Variants in FSTL5 observed in about 807,000 individuals in gnomAD.
The protein encoded by FSTL5 is follistatin like 5.
Under a neutral mutation model 89.1 loss-of-function variants are expected in FSTL5, and 62 were observed. The ratio of observed to expected loss-of-function variants is 0.70; its 90% CI spans 0.57 to 0.86. FSTL5 has a LOEUF of 0.86. Among genes scored for constraint, FSTL5 ranks in the 40% least tolerant of loss-of-function variants. The probability of loss-of-function intolerance (pLI) is 0.00; values close to 1 mark genes in which losing one functional copy is unlikely to be tolerated. For synonymous variants in FSTL5, 383 were observed against 346.2 expected (o/e 1.11, Z -1.18); for missense variants, 1,057 against 1,001.6 (o/e 1.06, Z -0.75).
chr4:161,415,547 G>T (rs1300147956), intron 15 of FSTL5, among the ~76,000 whole-genome samples: 1 of 151,886 alleles, frequency 6.6e-6, no homozygotes, highest in Admixed American at 6.6e-5. Flanking sequence ...GAGTCACCAC[G>T]CTCGGCCGTC....
In FSTL5 at chr4:161,572,961, G is replaced by A. The variant is rs141749375; in HGVS notation, c.1015+14494C>T. Among the ~76,000 whole-genome samples, 5 of 152,306 alleles carry A rather than the reference G, an allele frequency of 3.3e-5. No homozygotes were observed. The East Asian group carries it at 9.6e-4, about 29-fold the overall frequency. ...GTGATACGGTGGCTTGATGGTGTGG[G>A]TATGGGGTAAGCTATTATAAAAAAG... On this transcript the variant is annotated intron_variant, in intron 8 of 15. Transcript: ENST00000306100.
intron 3 of FSTL5, among the ~76,000 whole-genome samples, chr4:161,929,399 C>T (rs1457653759): frequency 6.6e-6 from 1 of 151,628 alleles, no homozygotes; most frequent in East Asian, 1.9e-4. Flanking sequence ...AGTCAGATAG[C>T]TCAATATGCC....
rs1730643441 is a variant in FSTL5 at position 161,386,354 on chromosome 4, T to A, written c.1937A>T (p.Lys646Met). 6.2e-7 allele frequency: 1 copy of A among 1,613,794 alleles called. No individual in the cohort carries two copies. The highest frequency in any genetic ancestry group is 1.1e-5 in the South Asian group (1 of 91,078). Residue 646 changes from lysine to methionine, a missense_variant, in exon 16 of 16, where the codon AAG (lysine) becomes ATG (methionine). By Grantham distance (95) the Lys-to-Met change is moderately conservative. Around this residue, in one of 3 missense-constraint regions of FSTL5, gnomAD observed 980 missense variants for 903.2 expected, o/e 1.08. Coordinates refer to ENST00000306100, the MANE Select transcript of FSTL5 (RefSeq NM_020116.5). ...YIKTINLKDY[K>M]CVPQSLAYTH... ...ATATGCCAATGACTGAGGAACGCAC[T>A]TATAGTCCTTCAAGTTAATTGTCTT...
intron 7 of FSTL5, among the ~76,000 whole-genome samples, chr4:161,603,862 G>A (rs1734341482): frequency 2.0e-5 from 3 of 152,098 alleles, no homozygotes; most frequent in Admixed American, 2.0e-4. Flanking sequence ...AAATCAGGAT[G>A]TGGGGCAACA....
At chr4:161,410,790 A>G (rs540992446) in intron 15 of FSTL5, among the ~76,000 whole-genome samples, 1 of 152,020 alleles carries the variant, frequency 6.6e-6, no homozygotes, top group African/African-American at 2.4e-5. Context: ...TCTCAAATTA[A>G]AAATCTAATT....
intron 4 of FSTL5, among the ~76,000 whole-genome samples, chr4:161,800,965 T>G (rs765435696): frequency 3.3e-5 from 5 of 151,580 alleles, no homozygotes; most frequent in Non-Finnish European, 7.4e-5. Context: ...TAATATCTGT[T>G]TCTTTCAACG....
chr4:161,785,015 T>C (rs532599987), intron 4 of FSTL5, among the ~76,000 whole-genome samples: 2 of 152,166 alleles, frequency 1.3e-5, no homozygotes, highest in Non-Finnish European at 1.5e-5. Flanking sequence ...GGCACTGTTG[T>C]GTTTTACAGA....
At chr4:161,574,353 T>A (rs1232091373) in intron 8 of FSTL5, among the ~76,000 whole-genome samples, 5 of 151,830 alleles carry the variant, frequency 3.3e-5, no homozygotes, top group Non-Finnish European at 5.9e-5. Flanking sequence ...TCTTTTTTTT[T>A]TTTAAATTTT....
At chr4:162,111,175 G>T in intron 2 of FSTL5, 96 bp downstream of exon 2, 1 of 984,870 alleles carries the variant, frequency 1.0e-6, no homozygotes, top group Non-Finnish European at 1.4e-6. Flanking sequence ...AGCATATTCT[G>T]AAATAAGTGC....
chr4:161,488,593 C>T (rs1729759860), intron 12 of FSTL5, among the ~76,000 whole-genome samples: 1 of 151,898 alleles, frequency 6.6e-6, no homozygotes. Context: ...TGCAAGTAGA[C>T]CTGTTGAGGC....
chr4:161,561,800 T>C (rs1438656317), intron 8 of FSTL5, among the ~76,000 whole-genome samples: 3 of 152,014 alleles, frequency 2.0e-5, no homozygotes, highest in Admixed American at 6.6e-5. Flanking sequence ...GGGTGGGTCA[T>C]ATTTAATTTT....
intron 1 of FSTL5, among the ~76,000 whole-genome samples, chr4:162,116,686 G>A (rs1731655140): frequency 6.6e-6 from 1 of 152,132 alleles, no homozygotes; most frequent in African/African-American, 2.4e-5. Context: ...TATCCTGTAG[G>A]ACCGCTTACC....
chr4:161,474,749 G>T (rs141825692), intron 13 of FSTL5, among the ~76,000 whole-genome samples: 1 of 152,034 alleles, frequency 6.6e-6, no homozygotes, highest in African/African-American at 2.4e-5. Flanking sequence ...GTTCCACCAT[G>T]TTGGCCAGGA....
chr4:162,151,685 A>G (rs1424801222), intron 1 of FSTL5, among the ~76,000 whole-genome samples: 1 of 152,224 alleles, frequency 6.6e-6, no homozygotes, highest in Non-Finnish European at 1.5e-5. Flanking sequence ...CAGGGTTTCC[A>G]TAGTGTCCTA....
intron 4 of FSTL5, among the ~76,000 whole-genome samples, chr4:161,861,529 T>C (rs981451): frequency 6.6e-6 from 1 of 152,156 alleles, no homozygotes; most frequent in Non-Finnish European, 1.5e-5. Flanking sequence ...TTGAGTAATA[T>C]CACTCAAATT....
chr4:162,035,922 A>G (rs1414785296), intron 2 of FSTL5, among the ~76,000 whole-genome samples: 4 of 152,110 alleles, frequency 2.6e-5, no homozygotes, highest in African/African-American at 4.8e-5. Flanking sequence ...CTGAGCTGCT[A>G]TAAGGATAGA....
chr4:161,871,810 T>G (rs1421902902), intron 4 of FSTL5, among the ~76,000 whole-genome samples: 1 of 152,118 alleles, frequency 6.6e-6, no homozygotes, highest in African/African-American at 2.4e-5. Context: ...ACTGTGTGAC[T>G]TTGGGCAGGG....
At chr4:161,510,198 G>T (rs1476391647) in intron 11 of FSTL5, among the ~76,000 whole-genome samples, 200 bp downstream of exon 11, 1 of 152,032 alleles carries the variant, frequency 6.6e-6, no homozygotes, top group Non-Finnish European at 1.5e-5. Flanking sequence ...TTCTGGCTAT[G>T]TATCAATATT....
intron 6 of FSTL5, among the ~76,000 whole-genome samples, chr4:161,657,732 T>C (rs1402432731): frequency 6.6e-6 from 1 of 152,180 alleles, no homozygotes; most frequent in African/African-American, 2.4e-5. Context: ...CAAATTGCAA[T>C]GCCAAACATG....
Sources: gnomAD v4.1 joint callset for allele counts (sites outside exome capture counted in the v4.1 genomes callset) on GRCh38, gnomAD v4.1.1 for gene constraint, gnomAD v4.1.1 regional missense constraint, MANE v1.5 for transcripts, NCBI Gene and HGNC (gene_info 2026-07-23, HGNC 2026-07-21) for gene names.